Variants in SORCS3 observed in about 807,000 individuals in gnomAD.
The protein encoded by SORCS3 is sortilin related VPS10 domain containing receptor 3.
A neutral mutation model predicts 146.3 loss-of-function variants in SORCS3; 57 were observed. The ratio of observed to expected loss-of-function variants is 0.39; its 90% CI spans 0.31 to 0.49. SORCS3 has a LOEUF of 0.49. Among genes scored for constraint, SORCS3 ranks in the 20% least tolerant of loss-of-function variants. The pLI is 0.92. For synonymous variants in SORCS3, 653 were observed against 618.5 expected (o/e 1.06, Z -0.83); for missense variants, 1,341 against 1,575.5 (o/e 0.85, Z 2.52).
chr10:104,696,353 T>TATACACATATAATATATA (rs1225186661), intron 1 of SORCS3, among the ~76,000 whole-genome samples: 4 of 264 alleles, frequency 0.015, 1 homozygote, highest in Non-Finnish European at 0.022. Flanking sequence ...ATATATATCA[T>TATACACATATAATATATA]ATATATATCA....
At chr10:104,974,197 G>T (rs2054879475) in intron 3 of SORCS3, among the ~76,000 whole-genome samples, 1 of 152,160 alleles carries the variant, frequency 6.6e-6, no homozygotes, top group Admixed American at 6.5e-5. Flanking sequence ...GAGTTCTGTA[G>T]ATGTCTATTA....
intron 1 of SORCS3, among the ~76,000 whole-genome samples, chr10:104,675,339 GGACTT>G (rs547042692): frequency 1.2e-3 from 189 of 152,144 alleles, no homozygotes; most frequent in Middle Eastern, 3.4e-3. Context: ...CTTATTTTCT[GGACTT>G]GACTTCTTTG....
intron 1 of SORCS3, among the ~76,000 whole-genome samples, chr10:104,643,339 G>C (rs969580159): frequency 6.6e-6 from 1 of 152,238 alleles, no homozygotes; most frequent in African/African-American, 2.4e-5. Context: ...AGGAAAGCGA[G>C]GGGTCCGCAG....
chr10:104,709,564 A>G (rs993568974), intron 1 of SORCS3, among the ~76,000 whole-genome samples: 15 of 152,218 alleles, frequency 9.9e-5, no homozygotes, highest in African/African-American at 3.4e-4. Context: ...GTACAATTAT[A>G]TATCTTTTCA....
At chr10:104,914,831 G>A (rs551168791) in intron 2 of SORCS3, among the ~76,000 whole-genome samples, 12 of 152,300 alleles carry the variant, frequency 7.9e-5, no homozygotes, top group East Asian at 7.7e-4. Flanking sequence ...AGATTGTGGC[G>A]GATTTCAGGC....
intron 4 of SORCS3, among the ~76,000 whole-genome samples, chr10:105,015,656 G>C (rs1159894170): frequency 2.0e-5 from 3 of 152,102 alleles, no homozygotes; most frequent in Non-Finnish European, 4.4e-5. Flanking sequence ...CCAGATTCTG[G>C]CAAATACTCA....
At chr10:104,696,277 G>GATATATATCATATACACATA (rs2016188127) in intron 1 of SORCS3, among the ~76,000 whole-genome samples, 1 of 27,220 alleles carries the variant, frequency 3.7e-5, no homozygotes, top group Non-Finnish European at 7.0e-5. Context: ...ATACACATAT[G>GATATATATCATATACACATA]ATATATGATA....
chr10:104,900,580 CCT>C (rs1263457114), intron 2 of SORCS3, among the ~76,000 whole-genome samples: 1 of 152,060 alleles, frequency 6.6e-6, no homozygotes, highest in Non-Finnish European at 1.5e-5. Flanking sequence ...GAACTTATCC[CCT>C]CTTATGCCCG....
chr10:104,735,454 C>CTTTTT (rs1554847561), intron 1 of SORCS3, among the ~76,000 whole-genome samples: 61 of 14,870 alleles, frequency 4.1e-3, no homozygotes, highest in African/African-American at 0.021. Flanking sequence ...CTCTCACCGT[C>CTTTTT]TGTTTTTTTT....
At chr10:104,787,012 G>C (rs1350031085) in intron 1 of SORCS3, among the ~76,000 whole-genome samples, 2 of 152,152 alleles carry the variant, frequency 1.3e-5, no homozygotes, top group African/African-American at 4.8e-5. Flanking sequence ...TTGTAGCTAG[G>C]CTCAAAGTAC....
At chr10:104,740,875 A>G (rs974645568) in intron 1 of SORCS3, among the ~76,000 whole-genome samples, 1 of 152,112 alleles carries the variant, frequency 6.6e-6, no homozygotes, top group Non-Finnish European at 1.5e-5. Flanking sequence ...CATAAAGTTA[A>G]TCTTTCCATT....
At chr10:104,853,280 C>T (rs561052533) in intron 2 of SORCS3, among the ~76,000 whole-genome samples, 22 of 152,318 alleles carry the variant, frequency 1.4e-4, no homozygotes, top group African/African-American at 5.1e-4. Flanking sequence ...GCCTGGATGA[C>T]AGAATGAGAC....
intron 3 of SORCS3, among the ~76,000 whole-genome samples, chr10:104,935,869 G>A (rs2133614248): frequency 6.6e-6 from 1 of 152,290 alleles, no homozygotes; most frequent in African/African-American, 2.4e-5. Flanking sequence ...AAGCACCTGT[G>A]ATGTGGTGGC....
intron 9 of SORCS3, among the ~76,000 whole-genome samples, chr10:105,151,946 T>C (rs2056170597): frequency 6.6e-6 from 1 of 152,166 alleles, no homozygotes; most frequent in South Asian, 2.1e-4. Flanking sequence ...ACAAGGCTGG[T>C]ATTGACAGCG....
At chr10:105,241,003 A>G (rs2056819410) in intron 20 of SORCS3, among the ~76,000 whole-genome samples, 1 of 151,612 alleles carries the variant, frequency 6.6e-6, no homozygotes, top group Non-Finnish European at 1.5e-5. Context: ...TTTATTTCCT[A>G]CTAAATCTCC....
At chr10:105,080,931 T>G (rs550557850) in intron 5 of SORCS3, among the ~76,000 whole-genome samples, 1 of 152,184 alleles carries the variant, frequency 6.6e-6, no homozygotes, top group South Asian at 2.1e-4. Flanking sequence ...GTTCAACAAA[T>G]GGTGTATTGT....
intron 1 of SORCS3, among the ~76,000 whole-genome samples, chr10:104,752,371 G>T (rs1317658905): frequency 1.3e-5 from 2 of 152,130 alleles, no homozygotes; most frequent in Non-Finnish European, 2.9e-5. Context: ...AAAAGAGAGA[G>T]ATCATTTTGG....
chr10:104,813,297 G>C (rs1288441330), intron 1 of SORCS3, among the ~76,000 whole-genome samples: 1 of 152,154 alleles, frequency 6.6e-6, no homozygotes, highest in East Asian at 1.9e-4. Context: ...CATTGTGAAA[G>C]GTATCCTCAC....
chr10:105,074,027 T>G (rs1475762651), intron 5 of SORCS3, among the ~76,000 whole-genome samples: 1 of 152,212 alleles, frequency 6.6e-6, no homozygotes, highest in East Asian at 1.9e-4. Flanking sequence ...TAAACTGTCC[T>G]TCAGTAAAGA....
Sources: allele counts gnomAD v4.1 joint callset (sites outside exome capture counted in the v4.1 genomes callset), GRCh38; gene constraint gnomAD v4.1.1; transcripts MANE v1.5; gene names NCBI Gene and HGNC (gene_info 2026-07-23, HGNC 2026-07-21).